Variants in PPP2R2A observed in about 807,000 individuals in gnomAD.
PPP2R2A encodes the protein protein phosphatase 2 regulatory subunit Balpha, also known as serine/threonine-protein phosphatase 2A 55 kDa regulatory subunit B alpha isoform.
A neutral mutation model predicts 53.2 loss-of-function variants in PPP2R2A; 9 were observed. The observed-to-expected ratio is 0.17, with a 90% CI of 0.10 to 0.30. The LOEUF (loss-of-function observed/expected upper bound fraction) is 0.30, where lower values mean the gene tolerates loss of function less well. PPP2R2A is among the 10% of genes least tolerant of loss of function. PPP2R2A has a pLI of 1.00. For synonymous variants in PPP2R2A, 169 were observed against 174.2 expected (o/e 0.97, Z 0.23); for missense variants, 235 against 534.6 (o/e 0.44, Z 5.53).
At chr8:26,330,333 A>G (rs1404326154) in intron 2 of PPP2R2A, among the ~76,000 whole-genome samples, 2 of 135,230 alleles carry the variant, frequency 1.5e-5, no homozygotes, top group Admixed American at 1.7e-4. Context: ...TTTTTGAGAC[A>G]CAGTCTGGCT....
intron 2 of PPP2R2A, among the ~76,000 whole-genome samples, chr8:26,334,658 T>C (rs1231535849): frequency 6.6e-6 from 1 of 151,848 alleles, no homozygotes; most frequent in Non-Finnish European, 1.5e-5. Flanking sequence ...GGCAGGAGAA[T>C]GGCGTGAACC....
At chr8:26,324,561 T>A (rs1331366820) in intron 2 of PPP2R2A, among the ~76,000 whole-genome samples, 1 of 152,146 alleles carries the variant, frequency 6.6e-6, no homozygotes, top group Admixed American at 6.5e-5. Context: ...AGGGCCCTCA[T>A]GGAGAACCTC....
intron 2 of PPP2R2A, among the ~76,000 whole-genome samples, chr8:26,336,685 T>C (rs1803677779): frequency 6.6e-6 from 1 of 151,918 alleles, no homozygotes; most frequent in South Asian, 2.1e-4. Flanking sequence ...GAGACTACCT[T>C]GAGCAACATA....
At chr8:26,337,090 A>G (rs1250179170) in intron 2 of PPP2R2A, among the ~76,000 whole-genome samples, 2 of 152,038 alleles carry the variant, frequency 1.3e-5, no homozygotes, top group East Asian at 1.9e-4. Context: ...GTAATGGGCA[A>G]CTCGGCCCAT....
At chr8:26,363,648 T>C in intron 7 of PPP2R2A, 73 bp from the exon 8 acceptor site, 1 of 1,291,464 alleles carries the variant, frequency 7.7e-7, no homozygotes. Flanking sequence ...TGAATGGTTG[T>C]TTAGGAAATG....
chr8:26,325,480 G>A (rs925544947), intron 2 of PPP2R2A, among the ~76,000 whole-genome samples: 3 of 152,094 alleles, frequency 2.0e-5, no homozygotes, highest in African/African-American at 7.2e-5. Context: ...GTCTTTATCA[G>A]CGGCGTGAAA....
At chr8:26,365,568 T>G (rs1805329363) in intron 8 of PPP2R2A, 1 of 152,198 alleles carries the variant, frequency 6.6e-6, no homozygotes, top group Admixed American at 6.5e-5. Context: ...GACACTTCCT[T>G]TTTTCCTTTG....
At chr8:26,345,809 C>T (rs1804183280) in intron 3 of PPP2R2A, among the ~76,000 whole-genome samples, 1 of 152,066 alleles carries the variant, frequency 6.6e-6, no homozygotes, top group Non-Finnish European at 1.5e-5. Flanking sequence ...CTTAATACTC[C>T]CAATAATTAA....
intron 4 of PPP2R2A, among the ~76,000 whole-genome samples, chr8:26,359,607 C>A (rs796889569): frequency 1.3e-5 from 2 of 151,128 alleles, no homozygotes; most frequent in South Asian, 4.2e-4. Context: ...TTCTTCAGGC[C>A]CTGTTTCCTA....
intron 4 of PPP2R2A, among the ~76,000 whole-genome samples, chr8:26,356,312 C>T (rs1202260071): frequency 6.6e-6 from 1 of 152,180 alleles, no homozygotes; most frequent in Admixed American, 6.5e-5. Context: ...TGATGGCCAT[C>T]AGCGTTGGCC....
intron 2 of PPP2R2A, among the ~76,000 whole-genome samples, chr8:26,307,257 G>T (rs1802064907): frequency 6.6e-6 from 1 of 152,164 alleles, no homozygotes; most frequent in Non-Finnish European, 1.5e-5. Context: ...TAATATCTAA[G>T]ATATACAAGT....
chr8:26,302,767 GATTAA>G (rs1044236097), intron 2 of PPP2R2A, among the ~76,000 whole-genome samples: 13 of 152,284 alleles, frequency 8.5e-5, no homozygotes, highest in East Asian at 3.9e-4. Context: ...TGTTAGGCCA[GATTAA>G]ATTAAAGAGA....
Position 26,337,581 on chromosome 8 carries a change from T to TA in PPP2R2A, c.83-1308dup, listed in dbSNP as rs1345921803. ...CCTAATCAAATGACTTCTCAGTACT[T>TA]ACTGGTGTTTGGCTTTATGTACTAG... On this transcript the variant is annotated intron_variant, in intron 2 of 9. Transcript: ENST00000380737. Among the ~76,000 whole-genome samples, 3 of 152,358 alleles carry TA rather than the reference T, an allele frequency of 2.0e-5. No individual in the cohort carries two copies. In the East Asian group the frequency reaches 5.8e-4, roughly 29 times the overall value.
chr8:26,337,263 C>A (rs778167678), intron 2 of PPP2R2A, among the ~76,000 whole-genome samples: 5 of 152,086 alleles, frequency 3.3e-5, no homozygotes, highest in African/African-American at 9.7e-5. Flanking sequence ...CTAAAAAAAA[C>A]CCAGCAAATT....
intron 2 of PPP2R2A, among the ~76,000 whole-genome samples, chr8:26,323,831 C>T (rs1048864387): frequency 1.3e-5 from 2 of 152,158 alleles, no homozygotes; most frequent in African/African-American, 4.8e-5. Context: ...TCTGCTCAGT[C>T]TTCAGCCCCA....
intron 2 of PPP2R2A, among the ~76,000 whole-genome samples, chr8:26,310,523 A>G (rs1255042019): frequency 1.3e-5 from 2 of 151,840 alleles, no homozygotes; most frequent in East Asian, 1.9e-4. Flanking sequence ...TTGGATCTCT[A>G]ATGTATTTCA....
At chr8:26,298,107 G>A (rs953108292) in intron 2 of PPP2R2A, among the ~76,000 whole-genome samples, 76 of 152,238 alleles carry the variant, frequency 5.0e-4, no homozygotes, top group Non-Finnish European at 4.4e-5. Flanking sequence ...GGGAAGGGCT[G>A]GGGAGGCCCT....
chr8:26,354,364 A>G lies in PPP2R2A; in HGVS notation c.181-104A>G. 2.3e-6 allele frequency: 2 copies of G among 854,720 alleles called. No homozygotes were observed. The highest frequency in any genetic ancestry group is 3.4e-6 in the Non-Finnish European group (2 of 596,852). 52.9% of individuals were successfully genotyped at this position (854,720 alleles called of 1,614,324 possible). On this transcript the variant is annotated intron_variant, in intron 3 of 9. Coordinates refer to ENST00000380737, the MANE Select transcript of PPP2R2A (RefSeq NM_002717.4). The surrounding 1 kb of genome is among the most constrained non-coding windows in gnomAD (Gnocchi z 4.6). ...AATGTAATTGTATAAAGACACAACT[A>G]ATGGGGTATTGAGAATGTGCAGGGT...
intron 2 of PPP2R2A, among the ~76,000 whole-genome samples, chr8:26,299,263 A>G (rs79291880): frequency 0.16 from 6,038 of 37,454 alleles, 104 homozygotes; most frequent in Non-Finnish European, 0.18. Context: ...CTCTGTTTCA[A>G]AAAAAAAAAA....
Sources: allele counts gnomAD v4.1 joint callset (sites outside exome capture counted in the v4.1 genomes callset), GRCh38; gene constraint gnomAD v4.1.1; non-coding constraint Gnocchi (gnomAD v3.1); transcripts MANE v1.5; gene names NCBI Gene and HGNC (gene_info 2026-07-23, HGNC 2026-07-21).